The following CEP128 variants were observed in gnomAD, a reference collection of about 807,000 sequenced individuals.
CEP128 encodes the protein centrosomal protein 128.
In CEP128, 132 loss-of-function variants were observed where a neutral mutation model predicts 156.7. That is an observed-to-expected ratio of 0.84 (90% confidence interval 0.73 to 0.97). The LOEUF (loss-of-function observed/expected upper bound fraction) is 0.97. Ranked by LOEUF, CEP128 falls within the 50% of genes least tolerant of loss-of-function variation. The pLI is 0.00. For missense variants in CEP128, 1,252 were observed against 1,281.9 expected (o/e 0.98, Z 0.36); for synonymous variants, 469 against 448.9 (o/e 1.04, Z -0.57).
chr14:80,582,502 A>G (rs1891634110), intron 19 of CEP128, among the ~76,000 whole-genome samples: 2 of 152,022 alleles, frequency 1.3e-5, no homozygotes. Context: ...GCTCCTCTAA[A>G]CTTTATGTCA....
intron 19 of CEP128, among the ~76,000 whole-genome samples, chr14:80,597,981 T>C (rs1346289432): frequency 7.3e-6 from 1 of 137,548 alleles, no homozygotes; most frequent in African/African-American, 2.7e-5. Context: ...CAAAACCCTA[T>C]GGCTAGCATT....
chr14:80,872,787 G>T (rs531610579), intron 8 of CEP128, among the ~76,000 whole-genome samples: 1 of 152,002 alleles, frequency 6.6e-6, no homozygotes, highest in Non-Finnish European at 1.5e-5. Context: ...ACAATACATC[G>T]ACCAGTTATA....
At chr14:80,885,427 A>C (rs1888749249) in intron 8 of CEP128, among the ~76,000 whole-genome samples, 1 of 152,162 alleles carries the variant, frequency 6.6e-6, no homozygotes, top group African/African-American at 2.4e-5. Context: ...TTCCAGAGGA[A>C]GAAGCAGGCA....
chr14:80,879,063 G>A (rs1011723623), intron 8 of CEP128, among the ~76,000 whole-genome samples: 1 of 152,112 alleles, frequency 6.6e-6, no homozygotes, highest in Non-Finnish European at 1.5e-5. Context: ...GACCACTGAG[G>A]CTCTGCAGGT....
chr14:80,532,821 A>G (rs1016335950), intron 21 of CEP128, among the ~76,000 whole-genome samples: 1 of 151,938 alleles, frequency 6.6e-6, no homozygotes, highest in African/African-American at 2.4e-5. Context: ...CAGTTTTTCT[A>G]TTTCTTCATA....
intron 9 of CEP128, among the ~76,000 whole-genome samples, chr14:80,856,805 C>T (rs1323496209): frequency 6.9e-6 from 1 of 145,326 alleles, no homozygotes; most frequent in Non-Finnish European, 1.5e-5. Context: ...ATTCCAGCTC[C>T]CTACAACCTC....
Position 80,819,239 on chromosome 14 carries a change from C to CTTTT in CEP128, c.1209+11900_1209+11903dup, listed in dbSNP as rs1187431254. ...AGCAAGCCAGCTCTCTGGCATCTTC[C>CTTTT]TTTTTTTTTTTTTTTTTTTTTTTTT... On this transcript the variant is annotated intron_variant, in intron 13 of 24. Coordinates refer to ENST00000555265, the MANE Select transcript of CEP128 (RefSeq NM_152446.5). Among the ~76,000 whole-genome samples the CTTTT allele has an allele frequency of 3.1e-3, 260 of 82,754 alleles. 5 individuals carry two copies. Among genetic ancestry groups the CTTTT allele is most frequent in the African/African-American group, 8.7e-3 (155 of 17,808 alleles). 54.3% of individuals were successfully genotyped at this position (82,754 alleles called of 152,430 possible). A position where few individuals can be genotyped will look rare whatever the true frequency, so the allele number is the denominator to read the frequency against.
chr14:80,745,779 TA>T lies in CEP128; in HGVS notation c.2614-2513del, dbSNP rs530563302. 3.6e-3 allele frequency among the ~76,000 whole-genome samples: 549 copies of T among 151,690 alleles called. 1 individual carries two copies. Among genetic ancestry groups the T allele is most frequent in the African/African-American group, 0.013 (528 of 41,392 alleles). On this transcript the variant is annotated intron_variant, in intron 18 of 24. Transcript: ENST00000555265. ...CAATTATACAAAAAATAAAAAGAAA[TA>T]AAAAATATCCAGATTGAAAAGGAAG...
At chr14:80,919,843 C>T (rs1884758282) in intron 2 of CEP128, among the ~76,000 whole-genome samples, 1 of 152,178 alleles carries the variant, frequency 6.6e-6, no homozygotes. Context: ...CTAGTACACA[C>T]ACACAAAGAC....
chr14:80,926,846 A>G (rs1281279712), intron 2 of CEP128, among the ~76,000 whole-genome samples: 1 of 152,214 alleles, frequency 6.6e-6, no homozygotes, highest in South Asian at 2.1e-4. Flanking sequence ...CTGGTTAACC[A>G]GGAGGCCTTG....
intron 19 of CEP128, among the ~76,000 whole-genome samples, chr14:80,594,667 G>A (rs8017017): frequency 0.13 from 20,374 of 152,162 alleles, 1,461 homozygotes; most frequent in South Asian, 0.24. Flanking sequence ...CGAAGGATAT[G>A]AACAGACACT....
chr14:80,938,685 A>G (rs558202544), intron 2 of CEP128, among the ~76,000 whole-genome samples: 5 of 152,166 alleles, frequency 3.3e-5, no homozygotes, highest in Non-Finnish European at 7.3e-5. Flanking sequence ...TTTAAACATT[A>G]CACCCTTAAT....
chr14:80,639,653 T>C (rs369915006), intron 19 of CEP128, among the ~76,000 whole-genome samples: 55 of 152,312 alleles, frequency 3.6e-4, no homozygotes, highest in Middle Eastern at 3.4e-3. Flanking sequence ...TTATTGAAAA[T>C]CATATTCTTA....
intron 19 of CEP128, among the ~76,000 whole-genome samples, chr14:80,699,243 C>T (rs545381179): frequency 8.5e-5 from 13 of 152,264 alleles, no homozygotes; most frequent in African/African-American, 2.4e-4. Flanking sequence ...GCTGCCAAGA[C>T]GTGCAGAGCA....
chr14:80,549,433 G>A (rs1283866689), intron 21 of CEP128, among the ~76,000 whole-genome samples: 2 of 152,160 alleles, frequency 1.3e-5, no homozygotes, highest in African/African-American at 4.8e-5. Flanking sequence ...CGTTTTATTT[G>A]GTGTAAAGCC....
chr14:80,896,855 C>T (rs893915116), intron 7 of CEP128, among the ~76,000 whole-genome samples: 1 of 152,190 alleles, frequency 6.6e-6, no homozygotes, highest in African/African-American at 2.4e-5. Flanking sequence ...CTTTCCTGCT[C>T]TAATTTAGAG....
At chr14:80,493,960 G>A (rs1887410248), downstream of CEP128, among the ~76,000 whole-genome samples, 1 of 152,168 alleles carries the variant, frequency 6.6e-6, no homozygotes, top group South Asian at 2.1e-4. Flanking sequence ...ATTTGCTTGG[G>A]GGCTTGGAAT....
At chr14:80,761,989 C>T (rs923156155) in intron 16 of CEP128, among the ~76,000 whole-genome samples, 5 of 152,074 alleles carry the variant, frequency 3.3e-5, no homozygotes, top group Admixed American at 2.6e-4. Flanking sequence ...ATTAGTAAAA[C>T]ACCAGAAAAT....
chr14:80,743,367 T>A, intron 18 of CEP128, 100 bp from the exon 19 acceptor site: 1 of 1,034,568 alleles, frequency 9.7e-7, no homozygotes, highest in Non-Finnish European at 1.4e-6. Flanking sequence ...TGAACAAATA[T>A]AGATAATTAC....
Sources: gnomAD v4.1 joint callset for allele counts (sites outside exome capture counted in the v4.1 genomes callset) on GRCh38, gnomAD v4.1.1 for gene constraint, MANE v1.5 for transcripts, NCBI Gene and HGNC (gene_info 2026-07-23, HGNC 2026-07-21) for gene names.